CDH17: variants seen among roughly 807,000 people sequenced by gnomAD.
CDH17 encodes the protein cadherin-17.
In CDH17, 67 loss-of-function variants were observed where a neutral mutation model predicts 86.3. The ratio of observed to expected loss-of-function variants is 0.78; its 90% CI spans 0.64 to 0.95. The LOEUF (loss-of-function observed/expected upper bound fraction) is 0.95, where lower values mean the gene tolerates loss of function less well. Ranked by LOEUF, CDH17 falls within the 40% of genes least tolerant of loss-of-function variation. CDH17 has a pLI of 0.00. For synonymous variants in CDH17, 367 were observed against 366.4 expected, an observed-to-expected ratio of 1.00 and a Z score of -0.02; for missense variants, 993 against 1,017.6, an observed-to-expected ratio of 0.98 and a Z score of 0.33.
At chr8:94,134,288 CT>C (rs1166607254) in intron 15 of CDH17, among the ~76,000 whole-genome samples, 2 of 151,954 alleles carry the variant, frequency 1.3e-5, no homozygotes, top group East Asian at 3.9e-4. Flanking sequence ...TGATCCTGGA[CT>C]TTTTTTTGTT....
chr8:94,134,360 A>G (rs1359980121), intron 15 of CDH17, among the ~76,000 whole-genome samples: 1 of 152,132 alleles, frequency 6.6e-6, no homozygotes, highest in Non-Finnish European at 1.5e-5. Context: ...CAGAGATTCA[A>G]CTTCTTCCTG....
chr8:94,134,656 T>TC (rs1378175751), intron 15 of CDH17, among the ~76,000 whole-genome samples: 2 of 152,208 alleles, frequency 1.3e-5, no homozygotes, highest in Admixed American at 1.3e-4. Context: ...CTCTATCATC[T>TC]CCTTCAGTTC....
chr8:94,141,329 G>A (rs576876669), intron 15 of CDH17, among the ~76,000 whole-genome samples: 3 of 149,506 alleles, frequency 2.0e-5, no homozygotes, highest in African/African-American at 7.5e-5. Flanking sequence ...TAATAAAGAC[G>A]ACCTACAATA....
At chr8:94,143,864 C>T (rs966402049) in intron 15 of CDH17, among the ~76,000 whole-genome samples, 7 of 152,164 alleles carry the variant, frequency 4.6e-5, no homozygotes, top group Non-Finnish European at 8.8e-5. Flanking sequence ...AATCTTCTAT[C>T]CAGACCACTC....
chr8:94,210,146 C>A (rs959032168), upstream of CDH17, among the ~76,000 whole-genome samples: 2 of 144,078 alleles, frequency 1.4e-5, no homozygotes, highest in Non-Finnish European at 3.0e-5. Flanking sequence ...GGGACTGCAA[C>A]CCTGTTCTGA....
intron 3 of CDH17, among the ~76,000 whole-genome samples, chr8:94,182,146 C>T (rs921364767): frequency 1.6e-4 from 25 of 152,158 alleles, no homozygotes; most frequent in African/African-American, 5.3e-4. Context: ...AAAATTTCCA[C>T]ACACAAAAAA....
Position 94,197,487 on chromosome 8 carries a change from C to T in CDH17, c.-20-2782G>A, listed in dbSNP as rs16916607. On this transcript the variant is annotated intron_variant, in intron 1 of 17. Coordinates refer to ENST00000027335, the MANE Select transcript of CDH17 (RefSeq NM_004063.4). Reference sequence around the variant, plus strand: ...GCTATGGATATACTACTTCATCTTTCGGTGCCTTAGTCTCCTCACATGGAA... The same window carrying T: ...GCTATGGATATACTACTTCATCTTTTGGTGCCTTAGTCTCCTCACATGGAA... Among the ~76,000 whole-genome samples the T allele has an allele frequency of 7.4e-3, 1,131 of 152,236 alleles. 9 individuals carry two copies. Among genetic ancestry groups the T allele is most frequent in the East Asian group, 0.03 (158 of 5,186 alleles).
chr8:94,205,465 A>T (rs1213964020), intron 1 of CDH17, among the ~76,000 whole-genome samples: 1 of 151,988 alleles, frequency 6.6e-6, no homozygotes, highest in African/African-American at 2.4e-5. Flanking sequence ...AAGAAAAGAG[A>T]AGAGAAGAGA....
chr8:94,164,657 C>G (rs1813119941), intron 10 of CDH17, among the ~76,000 whole-genome samples: 1 of 152,162 alleles, frequency 6.6e-6, no homozygotes, highest in African/African-American at 2.4e-5. Context: ...ACATGAAGCA[C>G]AGTGTGAAAC....
chr8:94,148,849 C>T lies in CDH17; in HGVS notation c.1822G>A (p.Gly608Ser). 1 of 1,610,586 alleles carries T rather than the reference C, an allele frequency of 6.2e-7. No individual in the cohort carries two copies. Among genetic ancestry groups the T allele is most frequent in the Non-Finnish European group, 8.5e-7 (1 of 1,178,768 alleles). Reference sequence around the variant, plus strand: ...GTCACGTGGTCAATTTTAAGCCAACCTCTTGTGTCTCCCCTCAGTGAATAG... The same window carrying T: ...GTCACGTGGTCAATTTTAAGCCAACTTCTTGTGTCTCCCCTCAGTGAATAG... ...ISYSLRGDTRGWLKIDHVTGE... is the reference protein window; with the variant it reads ...ISYSLRGDTRSWLKIDHVTGE... Residue 608 changes from glycine (G) to serine (S), a missense_variant, in exon 14 of 18, where the codon GGT becomes AGT. Gly to Ser is a moderately conservative substitution (Grantham distance 56). Coordinates refer to ENST00000027335, the MANE Select transcript of CDH17 (RefSeq NM_004063.4).
chr8:94,162,048 A>G (rs768770568), intron 11 of CDH17, 38 bp downstream of exon 11: 1 of 1,249,214 alleles, frequency 8.0e-7, no homozygotes, highest in South Asian at 1.2e-5. Flanking sequence ...AGTAAAATGA[A>G]TAAAGTAAAG....
chr8:94,152,846 T>C (rs1312162259), intron 12 of CDH17, among the ~76,000 whole-genome samples: 1 of 152,104 alleles, frequency 6.6e-6, no homozygotes, highest in East Asian at 1.9e-4. Flanking sequence ...CTTTTATTTT[T>C]AGTAGAGAAG....
intron 1 of CDH17, among the ~76,000 whole-genome samples, chr8:94,204,501 A>C (rs1288049920): frequency 1.3e-5 from 2 of 152,168 alleles, no homozygotes; most frequent in African/African-American, 4.8e-5. Context: ...GCTGCATAGT[A>C]TTCCATGGTG....
chr8:94,169,672 T>C (rs1432462227), intron 9 of CDH17, among the ~76,000 whole-genome samples: 3 of 152,294 alleles, frequency 2.0e-5, no homozygotes, highest in Middle Eastern at 6.8e-3. Context: ...AATGCCAGTC[T>C]GCTCAGTCAA....
chr8:94,170,614 CGTT>C (rs1813251187), intron 8 of CDH17, 67 bp from the exon 9 acceptor site: 9 of 1,536,666 alleles, frequency 5.9e-6, no homozygotes, highest in South Asian at 2.4e-5. Context: ...CAGAGAAAAT[CGTT>C]GTTTCATTTC....
chr8:94,128,090 C>G lies in CDH17; in HGVS notation c.*150G>C. The G allele has an allele frequency of 9.8e-6, 6 of 613,464 alleles. No individual in the cohort carries two copies. The highest frequency in any genetic ancestry group is 1.4e-5 in the Non-Finnish European group (5 of 350,894). The allele number at this position is 613,464 out of a possible 1,614,324, so 38.0% of individuals were successfully genotyped here. On this transcript the variant is annotated 3_prime_UTR_variant, in exon 18 of 18. Transcript: ENST00000027335. ...CCTGGGCGACAGAGCAAGACTCCAC[C>G]TCAAAAAAGAAATATTTAGCAAATA...
At chr8:94,197,779 T>C (rs1419065126) in intron 1 of CDH17, among the ~76,000 whole-genome samples, 1 of 149,780 alleles carries the variant, frequency 6.7e-6, no homozygotes, top group East Asian at 2.0e-4. Flanking sequence ...TGCAGTGAGT[T>C]GAGACTGGGC....
At chr8:94,136,460 A>C (rs1812527671) in intron 15 of CDH17, among the ~76,000 whole-genome samples, 1 of 152,168 alleles carries the variant, frequency 6.6e-6, no homozygotes, top group Admixed American at 6.5e-5. Context: ...ATGCATCACG[A>C]AGTTCTCCTG....
chr8:94,130,610 A>G lies in CDH17; in HGVS notation c.2398+16T>C, dbSNP rs752058209. On this transcript the variant is annotated intron_variant, in intron 17 of 17. Transcript: ENST00000027335. ...GGCCCAGGATAAGACTCTTTGAATT[A>G]AGAAATTACACTCACCAATCACCAG... 1 of 1,535,720 alleles carries G rather than the reference A, an allele frequency of 6.5e-7. No individual in the cohort carries two copies. Among genetic ancestry groups the G allele is most frequent in the South Asian group, 1.1e-5 (1 of 88,286 alleles).
Sources: gnomAD v4.1 joint callset for allele counts (sites outside exome capture counted in the v4.1 genomes callset) on GRCh38, gnomAD v4.1.1 for gene constraint, MANE v1.5 for transcripts, NCBI Gene and HGNC (gene_info 2026-07-23, HGNC 2026-07-21) for gene names.